The following RHOU variants were observed in gnomAD, a reference collection of about 807,000 sequenced individuals.
RHOU encodes ras homolog family member U.
In RHOU, 8 loss-of-function variants were observed where a neutral mutation model predicts 12.6. The observed-to-expected ratio is 0.64, with a 90% CI of 0.37 to 1.15. The LOEUF (loss-of-function observed/expected upper bound fraction) is 1.15, where lower values mean the gene tolerates loss of function less well. RHOU is among the 50% of genes most tolerant of loss of function. The probability of loss-of-function intolerance (pLI) is 0.01; values close to 1 mark genes in which losing one functional copy is unlikely to be tolerated. For synonymous variants in RHOU, 161 were observed against 147.4 expected, an observed-to-expected ratio of 1.09 and a Z score of -0.67; for missense variants, 258 against 347.0, an observed-to-expected ratio of 0.74 and a Z score of 2.04.
At chr1:228,690,743 G>C in the RHOU span, among the ~76,000 whole-genome samples, 1 of 151,960 alleles carries the variant, frequency 6.6e-6, no homozygotes, top group Non-Finnish European at 1.5e-5. Flanking sequence ...TCAGTCTCCC[G>C]AGCAGCTGAG....
the RHOU span, among the ~76,000 whole-genome samples, chr1:228,691,436 C>T: frequency 1.5e-5 from 2 of 134,738 alleles, no homozygotes; most frequent in Non-Finnish European, 3.2e-5. Context: ...CTCCCTCCAA[C>T]TCCTGGCAAC....
the RHOU span, among the ~76,000 whole-genome samples, chr1:228,649,565 C>T: frequency 1.3e-5 from 2 of 152,302 alleles, no homozygotes; most frequent in East Asian, 1.9e-4. Flanking sequence ...TTTTGATTAT[C>T]ATCCTGGTTA....
At chr1:228,682,263 G>A in the RHOU span, among the ~76,000 whole-genome samples, 44 of 152,332 alleles carry the variant, frequency 2.9e-4, no homozygotes, top group Non-Finnish European at 5.3e-4. Context: ...AGGACCTGAC[G>A]TCATAGGTGG....
At chr1:228,679,941 A>G in the RHOU span, among the ~76,000 whole-genome samples, 1 of 152,098 alleles carries the variant, frequency 6.6e-6, no homozygotes, top group Non-Finnish European at 1.5e-5. Flanking sequence ...TCTCGAGCCA[A>G]TAAGGGAGCT....
chr1:228,671,627 G>T, the RHOU span, among the ~76,000 whole-genome samples: 1 of 138,412 alleles, frequency 7.2e-6, no homozygotes, highest in African/African-American at 2.7e-5. Context: ...TGAGGCAGGA[G>T]AATCACTTGA....
chr1:228,706,001 C>T, the RHOU span, among the ~76,000 whole-genome samples: 2 of 152,086 alleles, frequency 1.3e-5, no homozygotes, highest in African/African-American at 4.8e-5. Flanking sequence ...GTCGAGATTG[C>T]ACCATTGAAC....
At chr1:228,703,697 A>C in the RHOU span, among the ~76,000 whole-genome samples, 1 of 152,194 alleles carries the variant, frequency 6.6e-6, no homozygotes, top group Admixed American at 6.5e-5. Context: ...CATTCTCTAT[A>C]CCTGGACTTA....
the RHOU span, chr1:228,650,998 G>A: frequency 3.2e-6 from 1 of 317,040 alleles, no homozygotes; most frequent in Non-Finnish European, 6.3e-6. Context: ...AGAAAGGCAA[G>A]GTCCTGGTCC....
chr1:228,696,186 C>A, the RHOU span, among the ~76,000 whole-genome samples: 1 of 150,478 alleles, frequency 6.6e-6, no homozygotes, highest in Admixed American at 6.6e-5. Context: ...TTCTCTTTCC[C>A]CTCTATTTTT....
the RHOU span, among the ~76,000 whole-genome samples, chr1:228,661,360 C>T: frequency 5.3e-5 from 8 of 152,096 alleles, no homozygotes; most frequent in African/African-American, 1.9e-4. Context: ...AAAAAAGAGC[C>T]CTCATTGCCA....
At chr1:228,669,279 A>C in the RHOU span, among the ~76,000 whole-genome samples, 1 of 152,126 alleles carries the variant, frequency 6.6e-6, no homozygotes, top group Non-Finnish European at 1.5e-5. Flanking sequence ...GTTTCATCAC[A>C]GGAGTTGGAC....
the RHOU span, among the ~76,000 whole-genome samples, chr1:228,647,535 T>G: frequency 6.6e-6 from 1 of 152,206 alleles, no homozygotes; most frequent in African/African-American, 2.4e-5. Flanking sequence ...AGCGGAGATC[T>G]TGGCTGGCGT....
At chr1:228,731,598 A>T (rs1662497056), upstream of RHOU, among the ~76,000 whole-genome samples, 1 of 152,234 alleles carries the variant, frequency 6.6e-6, no homozygotes, top group South Asian at 2.1e-4. Flanking sequence ...AAAATTAAGT[A>T]TAGAAAATTA....
At chr1:228,667,634 G>T in the RHOU span, among the ~76,000 whole-genome samples, 1 of 152,082 alleles carries the variant, frequency 6.6e-6, no homozygotes, top group African/African-American at 2.4e-5. Flanking sequence ...TTGATTCTGG[G>T]AAATCGACCC....
At chr1:228,707,127 C>CATATATATATATGT in the RHOU span, among the ~76,000 whole-genome samples, 3 of 76,796 alleles carry the variant, frequency 3.9e-5, no homozygotes, top group African/African-American at 1.9e-4. Context: ...TATATATATA[C>CATATATATATATGT]ATATATATAT....
chr1:228,705,309 C>G, the RHOU span, among the ~76,000 whole-genome samples: 2 of 151,926 alleles, frequency 1.3e-5, no homozygotes, highest in African/African-American at 4.8e-5. Context: ...TTTAAATTAC[C>G]TTTAGTAAGA....
At chr1:228,692,935 C>A in the RHOU span, among the ~76,000 whole-genome samples, 12 of 152,054 alleles carry the variant, frequency 7.9e-5, no homozygotes, top group African/African-American at 2.7e-4. Flanking sequence ...TATAAAATTG[C>A]ATTTATGAAA....
the RHOU span, among the ~76,000 whole-genome samples, chr1:228,651,800 T>C: frequency 6.6e-6 from 1 of 152,228 alleles, no homozygotes; most frequent in South Asian, 2.1e-4. Context: ...TTTTTCAAAC[T>C]TTGGCAGTCT....
upstream of RHOU, among the ~76,000 whole-genome samples, chr1:228,734,253 A>G (rs1160812879): frequency 6.6e-6 from 1 of 152,156 alleles, no homozygotes; most frequent in Non-Finnish European, 1.5e-5. Context: ...AGGTCTTCCA[A>G]TGTGAAAGTG....
Sources: gnomAD v4.1 joint callset for allele counts (sites outside exome capture counted in the v4.1 genomes callset) on GRCh38, gnomAD v4.1.1 for gene constraint, MANE v1.5 for transcripts, NCBI Gene and HGNC (gene_info 2026-07-23, HGNC 2026-07-21) for gene names.